The following ZNF75D variants were observed in gnomAD, a reference collection of about 807,000 sequenced individuals.
ZNF75D encodes zinc finger protein 75D.
A neutral mutation model predicts 33.3 loss-of-function variants in ZNF75D; 33 were observed. The observed-to-expected ratio is 0.99, with a 90% CI of 0.75 to 1.32. The LOEUF (loss-of-function observed/expected upper bound fraction) is 1.32. ZNF75D is among the 40% of genes most tolerant of loss of function. ZNF75D has a pLI of 0.00. For missense variants in ZNF75D, 338 were observed against 367.5 expected (o/e 0.92, Z 0.66); for synonymous variants, 113 against 130.6 (o/e 0.87, Z 0.92).
chrX:135,297,188 G>A (rs2084142555), intron 1 of ZNF75D: 1 of 111,828 alleles, frequency 8.9e-6, no homozygotes, highest in African/African-American at 3.3e-5. Flanking sequence ...ACTCAGACAA[G>A]CCAAAGAGAT....
At chrX:135,288,053 C>T in intron 6 of ZNF75D, among the ~76,000 whole-genome samples, 1 of 110,468 alleles carries the variant, frequency 9.1e-6, no homozygotes, top group Non-Finnish European at 1.9e-5. Context: ...TATGAGATAA[C>T]AAAAAGAAAA....
At chrX:135,300,695 C>T (rs888043591) in intron 1 of ZNF75D, among the ~76,000 whole-genome samples, 2 of 107,338 alleles carry the variant, frequency 1.9e-5, no homozygotes, top group African/African-American at 3.4e-5. Flanking sequence ...TGCAGTGAGC[C>T]GAGATTGCAC....
chrX:135,292,338 G>C lies in ZNF75D; in HGVS notation c.547C>G (p.Leu183Val). 1 of 1,211,433 alleles carries C rather than the reference G, an allele frequency of 8.3e-7. No homozygotes were observed. Among genetic ancestry groups the C allele is most frequent in the Non-Finnish European group, 1.1e-6 (1 of 895,349 alleles). ...GTGTTCCAGCCCAGCTGTTCTTGTA[G>C]TACCCGGTATGTATTCCAATATTCT... The part of the protein sequence containing the change: ...QKEYWNTYRV[L>V]QEQLGWNTHK... Residue 183 changes from leucine to valine, a missense_variant, in exon 4 of 7, where the codon CTA (leucine) becomes GTA (valine). Coordinates refer to ENST00000370766, the MANE Select transcript of ZNF75D (RefSeq NM_007131.5).
intron 1 of ZNF75D, among the ~76,000 whole-genome samples, chrX:135,316,827 T>A (rs1322862809): frequency 1.8e-5 from 2 of 109,890 alleles, no homozygotes; most frequent in Non-Finnish European, 3.8e-5. Flanking sequence ...GAATTTTTTT[T>A]AATGATAGAT....
intron 1 of ZNF75D, among the ~76,000 whole-genome samples, chrX:135,271,551 G>C (rs1556416982): frequency 8.9e-6 from 1 of 111,855 alleles, no homozygotes; most frequent in Non-Finnish European, 1.9e-5. Flanking sequence ...TTAATGTCTT[G>C]CAAAGCCAGT....
chrX:135,259,586 GCT>G (rs1177068819), intron 1 of ZNF75D, among the ~76,000 whole-genome samples: 1 of 111,106 alleles, frequency 9.0e-6, no homozygotes, highest in Admixed American at 9.6e-5. Context: ...TCATGATTTG[GCT>G]CTCTGTTTGT....
At chrX:135,331,061 A>AAT (rs2084645720) in intron 1 of ZNF75D, among the ~76,000 whole-genome samples, 1 of 112,038 alleles carries the variant, frequency 8.9e-6, no homozygotes, top group Admixed American at 9.4e-5. Flanking sequence ...GATATTTGAG[A>AAT]ATAATGAACC....
At chrX:135,323,219 C>G (rs1219077520) in intron 1 of ZNF75D, among the ~76,000 whole-genome samples, 1 of 111,962 alleles carries the variant, frequency 8.9e-6, no homozygotes, top group East Asian at 2.8e-4. Context: ...CAGATAGTCT[C>G]AAGTTATTAT....
chrX:135,318,656 T>C (rs1556432788), intron 1 of ZNF75D, among the ~76,000 whole-genome samples: 1 of 111,749 alleles, frequency 8.9e-6, no homozygotes, highest in East Asian at 2.8e-4. Flanking sequence ...AATAAACATA[T>C]AAAACTTTCA....
chrX:135,282,892 T>C (rs1053489029), downstream of ZNF75D, among the ~76,000 whole-genome samples: 3 of 113,102 alleles, frequency 2.7e-5, no homozygotes, highest in East Asian at 8.4e-4. Context: ...ACCTTCTGCA[T>C]TGATCTCACT....
chrX:135,262,949 T>C (rs1420283577), intron 1 of ZNF75D, among the ~76,000 whole-genome samples: 1 of 112,646 alleles, frequency 8.9e-6, no homozygotes, highest in African/African-American at 3.2e-5. Flanking sequence ...ATTTGGTCTT[T>C]GATGTTGGTG....
At chrX:135,282,527 A>G (rs1159497707), downstream of ZNF75D, among the ~76,000 whole-genome samples, 1 of 111,167 alleles carries the variant, frequency 9.0e-6, no homozygotes, top group East Asian at 2.8e-4. Context: ...TCCAGGTGCC[A>G]CTGGGTTATG....
chrX:135,324,021 A>G (rs1168409235), intron 1 of ZNF75D, among the ~76,000 whole-genome samples: 2 of 108,731 alleles, frequency 1.8e-5, no homozygotes, highest in East Asian at 2.9e-4. Flanking sequence ...ACACACACAC[A>G]CACGCACACC....
chrX:135,303,809 T>G (rs1464022149), intron 1 of ZNF75D, among the ~76,000 whole-genome samples: 4 of 111,597 alleles, frequency 3.6e-5, no homozygotes, highest in Non-Finnish European at 5.7e-5. Context: ...AGTATAGAAG[T>G]TTCCCAGGAA....
intron 1 of ZNF75D, among the ~76,000 whole-genome samples, chrX:135,262,027 G>A (rs1556415613): frequency 9.0e-6 from 1 of 111,624 alleles, no homozygotes; most frequent in African/African-American, 3.3e-5. Flanking sequence ...GTCTGTAAAG[G>A]ATTTTATTTC....
chrX:135,257,805 T>A lies in ZNF75D; in HGVS notation n.828-2028A>T, dbSNP rs782005796. Among the ~76,000 whole-genome samples the A allele has an allele frequency of 2.7e-5, 3 of 112,064 alleles. No homozygotes were observed. In the Admixed American group the frequency reaches 2.8e-4, roughly 11 times the overall value. The stretch of plus-strand genomic sequence containing the variant: ...TGGCAATCCAAGGAATTCTTAGAGA[T>A]CTTTTATTATTATTATTATCATCAT... On this transcript the variant is annotated intron_variant and non_coding_transcript_variant, in intron 1 of 3. Coordinates refer to the ZNF75D transcript ENST00000494295.
In ZNF75D at chrX:135,332,233, C is replaced by T. The variant is rs186167311; in HGVS notation, c.-391+9535G>A. ...AGACAGAAATTAGGATGCATAGTTA[C>T]ACATGGATAAATCTCACCATCATAT... On this transcript the variant is annotated intron_variant, in intron 1 of 6. Coordinates refer to ENST00000370766, the MANE Select transcript of ZNF75D (RefSeq NM_007131.5). Among the ~76,000 whole-genome samples the T allele has an allele frequency of 5.4e-5, 6 of 111,830 alleles. No homozygotes were observed. In the Admixed American group the frequency reaches 5.7e-4, roughly 11 times the overall value.
At chrX:135,258,577 G>A (rs1344533122) in intron 1 of ZNF75D, among the ~76,000 whole-genome samples, 1 of 111,760 alleles carries the variant, frequency 8.9e-6, no homozygotes, top group Non-Finnish European at 1.9e-5. Context: ...GTCCCTGTTG[G>A]CTGCATAGAT....
chrX:135,308,749 T>C (rs992903987), intron 1 of ZNF75D, among the ~76,000 whole-genome samples: 4 of 111,864 alleles, frequency 3.6e-5, no homozygotes, highest in African/African-American at 1.3e-4. Flanking sequence ...TGAGATTATG[T>C]TCCCAGGATG....
Sources: gnomAD v4.1 joint callset for allele counts (sites outside exome capture counted in the v4.1 genomes callset) on GRCh38, gnomAD v4.1.1 for gene constraint, MANE v1.5 for transcripts, NCBI Gene and HGNC (gene_info 2026-07-23, HGNC 2026-07-21) for gene names.